Variants in CABIN1 observed in about 807,000 individuals in gnomAD.
CABIN1 encodes the protein calcineurin binding protein 1.
Under a neutral mutation model 227.7 loss-of-function variants are expected in CABIN1, and 133 were observed. The ratio of observed to expected loss-of-function variants is 0.58; its 90% confidence interval spans 0.51 to 0.67. CABIN1 has a LOEUF of 0.67. Among genes scored for constraint, CABIN1 ranks in the 30% least tolerant of loss-of-function variants. The probability of loss-of-function intolerance (pLI) is 0.00; values close to 1 mark genes in which losing one functional copy is unlikely to be tolerated. For missense variants in CABIN1, 2,408 were observed against 2,852.5 expected (o/e 0.84, Z 3.55); for synonymous variants, 1,086 against 1,155.1 (o/e 0.94, Z 1.21).
In CABIN1 at chr22:24,070,953, C is replaced by T; in HGVS notation, c.2386C>T (p.Gln796Ter). Residue 796 changes from glutamine (Q) to a stop codon, truncating the protein, a stop_gained, in exon 17 of 37, where the codon CAG becomes TAG. Coordinates refer to ENST00000263119, the MANE Select transcript of CABIN1 (RefSeq NM_012295.4). LOFTEE classifies it high-confidence loss of function. ...GACCCAACTGCTGATGGGCATCGAG[C>T]AGGCCCTCTCTGCGGACAGCAGTGG... ...TVTQLLMGIE[Q>*]ALSADSSGSI... 6.2e-7 allele frequency: 1 copy of T among 1,614,234 alleles called. No individual in the cohort carries two copies. The highest frequency in any genetic ancestry group is 8.5e-7 in the Non-Finnish European group (1 of 1,180,052).
chr22:24,124,670 G>A (rs1042020779), intron 28 of CABIN1, among the ~76,000 whole-genome samples: 2 of 152,172 alleles, frequency 1.3e-5, no homozygotes, highest in Non-Finnish European at 2.9e-5. Context: ...GCCCATATAG[G>A]CACCCCAGGA....
chr22:24,012,461 A>T (rs1309394797), intron 1 of CABIN1, among the ~76,000 whole-genome samples: 1 of 152,190 alleles, frequency 6.6e-6, no homozygotes, highest in Non-Finnish European at 1.5e-5. Flanking sequence ...AGAGACTGAC[A>T]TCTATGTCAA....
intron 28 of CABIN1, among the ~76,000 whole-genome samples, chr22:24,127,436 G>T (rs1199088988): frequency 6.6e-6 from 1 of 152,230 alleles, no homozygotes; most frequent in Non-Finnish European, 1.5e-5. Context: ...GAAGAAGTCA[G>T]TGTGGCAGCA....
At chr22:24,062,452 G>C (rs2146441921) in intron 13 of CABIN1, among the ~76,000 whole-genome samples, 1 of 147,198 alleles carries the variant, frequency 6.8e-6, no homozygotes, top group African/African-American at 2.5e-5. Context: ...CTGCCTCCCA[G>C]GCTCAAGTGA....
At chr22:24,043,994 T>C (rs1181908137) in intron 6 of CABIN1, among the ~76,000 whole-genome samples, 4 of 151,978 alleles carry the variant, frequency 2.6e-5, no homozygotes, top group Non-Finnish European at 5.9e-5. Flanking sequence ...GCAAGGCAAA[T>C]TTGAGGTCCT....
chr22:24,074,674 G>A (rs190660621), intron 18 of CABIN1, among the ~76,000 whole-genome samples: 7 of 152,272 alleles, frequency 4.6e-5, no homozygotes, highest in Non-Finnish European at 8.8e-5. Context: ...AATAATAACA[G>A]TTATCACATA....
chr22:24,122,907 T>G (rs1464983687), intron 28 of CABIN1, among the ~76,000 whole-genome samples: 1 of 152,096 alleles, frequency 6.6e-6, no homozygotes, highest in African/African-American at 2.4e-5. Context: ...AGAGGTGGGA[T>G]CATACCCCTT....
At chr22:24,064,324 G>A in intron 15 of CABIN1, 137 bp downstream of exon 15, 1 of 957,854 alleles carries the variant, frequency 1.0e-6, no homozygotes, top group Middle Eastern at 3.1e-4. Context: ...TCCTGCCTCA[G>A]CCTCCTGAGT....
intron 11 of CABIN1, among the ~76,000 whole-genome samples, chr22:24,059,628 T>C (rs142569643): frequency 1.6e-4 from 25 of 152,250 alleles, no homozygotes; most frequent in African/African-American, 5.8e-4. Flanking sequence ...ACCTGTTGAG[T>C]GTGTATCAGT....
At chr22:24,031,199 G>A (rs142107360) in intron 1 of CABIN1, among the ~76,000 whole-genome samples, 1 of 152,280 alleles carries the variant, frequency 6.6e-6, no homozygotes, top group Non-Finnish European at 1.5e-5. Flanking sequence ...GCTAGCACGT[G>A]TCCTGCAGAA....
At chr22:24,126,998 CAA>C (rs36026569) in intron 28 of CABIN1, among the ~76,000 whole-genome samples, 28 of 70,638 alleles carry the variant, frequency 4.0e-4, no homozygotes, top group Admixed American at 6.3e-4. Context: ...GACTCTGTCT[CAA>C]AAAAAAAAAA....
intron 33 of CABIN1, 90 bp downstream of exon 33, chr22:24,168,611 C>A: frequency 9.5e-7 from 1 of 1,056,432 alleles, no homozygotes; most frequent in Non-Finnish European, 1.4e-6. Context: ...CAGATCCACT[C>A]TTGGGACTGT....
intron 26 of CABIN1, among the ~76,000 whole-genome samples, chr22:24,113,074 C>T (rs1456659030): frequency 1.3e-5 from 2 of 152,238 alleles, no homozygotes; most frequent in East Asian, 1.9e-4. Context: ...TTCCAGATCA[C>T]ACCTGGCTTT....
chr22:24,059,850 C>A, intron 11 of CABIN1, 74 bp from the exon 12 acceptor site: 1 of 1,300,938 alleles, frequency 7.7e-7, no homozygotes, highest in Non-Finnish European at 1.1e-6. Context: ...TCTTTACTGT[C>A]CCAAAGTAAA....
chr22:24,155,200 G>T (rs1040477452), intron 29 of CABIN1, among the ~76,000 whole-genome samples: 2 of 152,120 alleles, frequency 1.3e-5, no homozygotes, highest in Non-Finnish European at 2.9e-5. Context: ...AAGATGCTGT[G>T]TGCACACTGG....
intron 9 of CABIN1, among the ~76,000 whole-genome samples, chr22:24,055,381 GGAC>G: frequency 6.6e-6 from 1 of 152,264 alleles, no homozygotes. Context: ...GCAGCTAGGA[GGAC>G]GGGGGATCAG....
chr22:24,099,237 T>C (rs1283306472), intron 26 of CABIN1, among the ~76,000 whole-genome samples: 1 of 152,082 alleles, frequency 6.6e-6, no homozygotes, highest in African/African-American at 2.4e-5. Context: ...CTTTCTGAAC[T>C]AAGTGGGTAG....
chr22:24,063,503 G>C (rs1298766551), intron 14 of CABIN1, among the ~76,000 whole-genome samples: 1 of 152,180 alleles, frequency 6.6e-6, no homozygotes, highest in Non-Finnish European at 1.5e-5. Context: ...TGAATAAACA[G>C]ATACAGAGCT....
chr22:24,024,631 C>T (rs778610979), intron 1 of CABIN1, among the ~76,000 whole-genome samples: 4 of 152,212 alleles, frequency 2.6e-5, no homozygotes, highest in Non-Finnish European at 4.4e-5. Flanking sequence ...TCTTCTCCCT[C>T]AGATACTCAT....
Sources: gnomAD v4.1 joint callset for allele counts (sites outside exome capture counted in the v4.1 genomes callset) on GRCh38, gnomAD v4.1.1 for gene constraint, MANE v1.5 for transcripts, NCBI Gene and HGNC (gene_info 2026-07-23, HGNC 2026-07-21) for gene names.